Variants in MACROH2A2 observed in about 807,000 individuals in gnomAD.
The protein encoded by MACROH2A2 is core histone macro-H2A.2.
MACROH2A2 carries 6 observed loss-of-function variants against 37.6 expected under a neutral mutation model. The ratio of observed to expected loss-of-function variants is 0.16; its 90% confidence interval spans 0.09 to 0.32. The LOEUF (loss-of-function observed/expected upper bound fraction) is 0.32. Ranked by LOEUF, MACROH2A2 falls within the 10% of genes least tolerant of loss-of-function variation. The pLI is 1.00. For missense variants in MACROH2A2, 290 were observed against 485.9 expected (o/e 0.60, Z 3.79); for synonymous variants, 192 against 202.7 (o/e 0.95, Z 0.45).
intron 1 of MACROH2A2, among the ~76,000 whole-genome samples, chr10:70,071,026 T>C (rs1049645349): frequency 2.0e-5 from 3 of 151,640 alleles, no homozygotes; most frequent in African/African-American, 4.9e-5. Context: ...AGCGCGTGCA[T>C]GTATGCGTGT....
At position 70,079,575 on chromosome 10, in the gene MACROH2A2, A is replaced by G. The variant is rs906250032; in HGVS notation, c.172+3745A>G. The stretch of plus-strand genomic sequence containing the variant: ...TTCGCGCGCGCGCGCGCACACACAC[A>G]CACACACACACACACACACACACAC... On this transcript the variant is annotated intron_variant, in intron 2 of 8. Transcript: ENST00000373255. 3.2e-3 allele frequency among the ~76,000 whole-genome samples: 474 copies of G among 149,712 alleles called. 4 individuals carry two copies. Among genetic ancestry groups the G allele is most frequent in the African/African-American group, 0.011 (444 of 41,000 alleles).
At chr10:70,070,160 G>C (rs1367727866) in intron 1 of MACROH2A2, among the ~76,000 whole-genome samples, 1 of 152,144 alleles carries the variant, frequency 6.6e-6, no homozygotes, top group Admixed American at 6.5e-5. Flanking sequence ...TAGGTGCCTG[G>C]CTGCTTAAAT....
intron 7 of MACROH2A2, among the ~76,000 whole-genome samples, chr10:70,103,254 G>A (rs1456838518): frequency 6.6e-6 from 1 of 152,170 alleles, no homozygotes; most frequent in Non-Finnish European, 1.5e-5. Context: ...CATCTAAGAC[G>A]GCATCAGGAC....
At chr10:70,109,724 T>C (rs993608930) in intron 8 of MACROH2A2, among the ~76,000 whole-genome samples, 2 of 152,180 alleles carry the variant, frequency 1.3e-5, no homozygotes, top group African/African-American at 2.4e-5. Context: ...TCTGGGAGAC[T>C]GCAGAGCCAG....
At chr10:70,061,582 A>G (rs756507087) in intron 1 of MACROH2A2, among the ~76,000 whole-genome samples, 22 of 152,198 alleles carry the variant, frequency 1.4e-4, no homozygotes, top group Non-Finnish European at 2.6e-4. Flanking sequence ...GATATCCTAA[A>G]TCTACCCCTT....
At chr10:70,084,445 G>C (rs1457803312) in intron 2 of MACROH2A2, among the ~76,000 whole-genome samples, 2 of 152,148 alleles carry the variant, frequency 1.3e-5, no homozygotes, top group East Asian at 3.8e-4. Context: ...CCAGCTACTC[G>C]AGAGGCTCAG....
chr10:70,071,718 AT>A (rs2072111919), intron 1 of MACROH2A2, among the ~76,000 whole-genome samples: 1 of 152,208 alleles, frequency 6.6e-6, no homozygotes, highest in Non-Finnish European at 1.5e-5. Flanking sequence ...CCTGCTCAAC[AT>A]CTTACCATAC....
chr10:70,070,453 CCTTA>C (rs1397921496), intron 1 of MACROH2A2, among the ~76,000 whole-genome samples: 1 of 152,118 alleles, frequency 6.6e-6, no homozygotes, highest in Non-Finnish European at 1.5e-5. Flanking sequence ...CTTTGATTTT[CCTTA>C]CTTGGCTATT....
At chr10:70,100,156 T>A in intron 6 of MACROH2A2, 52 bp from the exon 7 acceptor site, 1 of 924,582 alleles carries the variant, frequency 1.1e-6, no homozygotes, top group Admixed American at 1.9e-5. Flanking sequence ...TCAAACAGTG[T>A]AATTAGATTG....
At chr10:70,108,667 G>A (rs115437586) in intron 7 of MACROH2A2, among the ~76,000 whole-genome samples, 54 of 152,302 alleles carry the variant, frequency 3.5e-4, no homozygotes, top group African/African-American at 1.1e-3. Context: ...GGAGGAGGAC[G>A]TGGATGTTTT....
intron 7 of MACROH2A2, among the ~76,000 whole-genome samples, chr10:70,103,450 C>T (rs1376898251): frequency 6.6e-6 from 1 of 152,174 alleles, no homozygotes; most frequent in Admixed American, 6.5e-5. Flanking sequence ...TTAAGTGATC[C>T]TCCTGCCTCA....
At chr10:70,110,424 G>A (rs2072363974) in intron 8 of MACROH2A2, among the ~76,000 whole-genome samples, 1 of 152,348 alleles carries the variant, frequency 6.6e-6, no homozygotes, top group Admixed American at 6.5e-5. Context: ...ACGAAGACAG[G>A]TTTGGAGCAT....
At chr10:70,104,843 C>T (rs923231792) in intron 7 of MACROH2A2, among the ~76,000 whole-genome samples, 1 of 152,168 alleles carries the variant, frequency 6.6e-6, no homozygotes, top group Non-Finnish European at 1.5e-5. Context: ...TGGAAGAACT[C>T]AGCTCCAGGC....
chr10:70,062,006 G>A (rs2072053190), intron 1 of MACROH2A2, among the ~76,000 whole-genome samples: 1 of 152,146 alleles, frequency 6.6e-6, no homozygotes, highest in African/African-American at 2.4e-5. Flanking sequence ...GTGTAATAGA[G>A]CCAGTGATTT....
intron 1 of MACROH2A2, among the ~76,000 whole-genome samples, chr10:70,073,785 A>G (rs1224199874): frequency 6.6e-6 from 1 of 152,120 alleles, no homozygotes; most frequent in Non-Finnish European, 1.5e-5. Flanking sequence ...CTGGTTTTGT[A>G]TCTATTTCAT....
At chr10:70,085,593 A>C (rs556503921) in intron 2 of MACROH2A2, among the ~76,000 whole-genome samples, 1 of 152,220 alleles carries the variant, frequency 6.6e-6, no homozygotes, top group African/African-American at 2.4e-5. Flanking sequence ...ATTGTATACA[A>C]AATGAAGGGA....
intron 2 of MACROH2A2, among the ~76,000 whole-genome samples, chr10:70,081,290 G>A (rs2072175181): frequency 6.6e-6 from 1 of 152,044 alleles, no homozygotes. Flanking sequence ...CCATCCATGT[G>A]GCTATTGCTC....
chr10:70,063,047 A>G (rs1041191509), intron 1 of MACROH2A2, among the ~76,000 whole-genome samples: 8 of 152,192 alleles, frequency 5.3e-5, no homozygotes, highest in Admixed American at 2.6e-4. Context: ...GAGCTGTCTA[A>G]TGGCCCACCT....
At chr10:70,106,167 C>T (rs942386835) in intron 7 of MACROH2A2, among the ~76,000 whole-genome samples, 4 of 152,348 alleles carry the variant, frequency 2.6e-5, no homozygotes, top group Admixed American at 2.6e-4. Context: ...TGTGATGGCT[C>T]ACCTGGGGGA....
Sources: allele counts gnomAD v4.1 joint callset (sites outside exome capture counted in the v4.1 genomes callset), GRCh38; gene constraint gnomAD v4.1.1; transcripts MANE v1.5; gene names NCBI Gene and HGNC (gene_info 2026-07-23, HGNC 2026-07-21).